Variants in KCNMA1 observed in about 807,000 individuals in gnomAD.
KCNMA1 encodes potassium calcium-activated channel subfamily M alpha 1.
KCNMA1 carries 29 observed loss-of-function variants against 140.0 expected under a neutral mutation model. The ratio of observed to expected loss-of-function variants is 0.21; its 90% confidence interval spans 0.15 to 0.28. The LOEUF (loss-of-function observed/expected upper bound fraction) is 0.28, where lower values mean the gene tolerates loss of function less well. Ranked by LOEUF, KCNMA1 falls within the 10% of genes least tolerant of loss-of-function variation. The pLI is 1.00. For synonymous variants in KCNMA1, 612 were observed against 611.9 expected (o/e 1.00, Z 0.00); for missense variants, 880 against 1,602.2 (o/e 0.55, Z 7.70).
chr10:77,148,232 T>C (rs561820514), intron 5 of KCNMA1: 69 of 152,318 alleles, frequency 4.5e-4, no homozygotes, highest in African/African-American at 1.6e-3. Context: ...AGAAAACCTA[T>C]AAAGCCAATT....
intron 2 of KCNMA1, among the ~76,000 whole-genome samples, chr10:77,280,591 A>G (rs983925211): frequency 6.6e-6 from 1 of 152,096 alleles, no homozygotes; most frequent in Non-Finnish European, 1.5e-5. Flanking sequence ...CAGTGGCACA[A>G]TCATGGCTCA....
chr10:77,201,275 T>G (rs1376419060), intron 3 of KCNMA1, among the ~76,000 whole-genome samples: 1 of 152,222 alleles, frequency 6.6e-6, no homozygotes, highest in African/African-American at 2.4e-5. Context: ...TCTGTCTGTG[T>G]GCTGCTGTGA....
intron 13 of KCNMA1, among the ~76,000 whole-genome samples, chr10:77,076,345 T>C (rs2096396864): frequency 6.6e-6 from 1 of 152,174 alleles, no homozygotes; most frequent in African/African-American, 2.4e-5. Flanking sequence ...AATCTTTCCT[T>C]GAAGAGCTTT....
intron 9 of KCNMA1, among the ~76,000 whole-genome samples, chr10:77,100,275 T>C (rs568034291): frequency 6.6e-6 from 1 of 152,328 alleles, no homozygotes; most frequent in East Asian, 1.9e-4. Flanking sequence ...AGCTGACATT[T>C]GCCTTTGGAG....
chr10:77,052,899 T>C (rs1320476323), intron 14 of KCNMA1, among the ~76,000 whole-genome samples: 1 of 152,172 alleles, frequency 6.6e-6, no homozygotes, highest in Non-Finnish European at 1.5e-5. Context: ...AGGAGACTCA[T>C]CCCTCCTAGC....
chr10:76,978,925 T>A (rs995639057), intron 19 of KCNMA1, among the ~76,000 whole-genome samples: 53 of 152,368 alleles, frequency 3.5e-4, no homozygotes, highest in African/African-American at 1.0e-3. Context: ...CTGGATTTTT[T>A]AAATTTTGAT....
chr10:76,991,552 G>C (rs2082774782), intron 19 of KCNMA1, among the ~76,000 whole-genome samples: 1 of 151,944 alleles, frequency 6.6e-6, no homozygotes, highest in Admixed American at 6.6e-5. Context: ...AGAAAGTTTT[G>C]GGAAGCTTCA....
chr10:76,895,159 C>A (rs924182938), intron 25 of KCNMA1, among the ~76,000 whole-genome samples: 1 of 152,196 alleles, frequency 6.6e-6, no homozygotes, highest in Middle Eastern at 3.2e-3. Context: ...CACGTACCCC[C>A]TGCTTGCTCA....
chr10:77,408,481 T>C lies in KCNMA1; in HGVS notation c.379-4458A>G, dbSNP rs554854773. Among the ~76,000 whole-genome samples, 12 of 151,770 alleles carry C rather than the reference T, an allele frequency of 7.9e-5. No homozygotes were observed. In the East Asian group the frequency reaches 2.1e-3, roughly 27 times the overall value. On this transcript the variant is annotated intron_variant, in intron 1 of 27. Coordinates refer to ENST00000286628, the MANE Select transcript of KCNMA1 (RefSeq NM_001161352.2). ...GTGCGTTTGTGTGCACGTGTGAGTG[T>C]GTACGTGTGTGTGCATGTCTGAGAA...
chr10:77,504,600 T>A (rs1393108202), intron 1 of KCNMA1, among the ~76,000 whole-genome samples: 1 of 152,142 alleles, frequency 6.6e-6, no homozygotes, highest in Non-Finnish European at 1.5e-5. Flanking sequence ...ATTTTTGTTA[T>A]ATTTTTAGAG....
At position 76,909,960 on chromosome 10, in the gene KCNMA1, A is replaced by G. The variant is rs558650814; in HGVS notation, c.3147+6T>C. 4 of 1,613,114 alleles carry G rather than the reference A, an allele frequency of 2.5e-6. No homozygotes were observed. In the Admixed American group the frequency reaches 6.7e-5, roughly 27 times the overall value. On this transcript the variant is annotated splice_donor_region_variant and intron_variant, in intron 25 of 27. Transcript: ENST00000286628. ...TGAGTGAGGAGGAGGGAACAGGATA[A>G]CTCACCGCGCTCATGAGTGAGTCCA...
At chr10:77,179,916 G>T (rs568528528) in intron 5 of KCNMA1, among the ~76,000 whole-genome samples, 2 of 152,196 alleles carry the variant, frequency 1.3e-5, no homozygotes, top group African/African-American at 4.8e-5. Context: ...TGAGTACACC[G>T]TTACATGCAC....
rs144849332 is a variant in KCNMA1 at position 77,465,202 on chromosome 10, G to A, written c.379-61179C>T. On this transcript the variant is annotated intron_variant, in intron 1 of 27. Transcript: ENST00000286628. The stretch of plus-strand genomic sequence containing the variant: ...GCAATGAGGCCTTTGCATAGGCCAC[G>A]ATCCCTGCAGCAAACTGCGTTGCCT... 2.7e-3 allele frequency among the ~76,000 whole-genome samples: 408 copies of A among 152,308 alleles called. 2 individuals carry two copies. The highest frequency in any genetic ancestry group is 9.4e-3 in the African/African-American group (389 of 41,560).
intron 9 of KCNMA1, among the ~76,000 whole-genome samples, chr10:77,095,397 C>T (rs1327918381): frequency 1.3e-5 from 2 of 152,150 alleles, no homozygotes; most frequent in Admixed American, 6.5e-5. Flanking sequence ...CTCAGAAACA[C>T]AAGGAAGCAT....
chr10:77,410,000 T>C (rs1675139827), intron 1 of KCNMA1, among the ~76,000 whole-genome samples: 1 of 152,144 alleles, frequency 6.6e-6, no homozygotes, highest in African/African-American at 2.4e-5. Flanking sequence ...GCAACTGCTT[T>C]ACAAACGGCA....
At chr10:76,956,305 A>G (rs543806357) in intron 20 of KCNMA1, among the ~76,000 whole-genome samples, 80 of 152,324 alleles carry the variant, frequency 5.3e-4, no homozygotes, top group African/African-American at 1.9e-3. Context: ...GAAACCAGGC[A>G]TAATTTCACA....
chr10:77,083,390 A>G (rs1231540335), intron 12 of KCNMA1, among the ~76,000 whole-genome samples: 3 of 152,194 alleles, frequency 2.0e-5, no homozygotes, highest in Admixed American at 2.0e-4. Context: ...TGAATTAAGA[A>G]AAGAATAAGG....
intron 18 of KCNMA1, among the ~76,000 whole-genome samples, chr10:77,007,421 A>G (rs1274790650): frequency 6.6e-6 from 1 of 152,024 alleles, no homozygotes; most frequent in Non-Finnish European, 1.5e-5. Context: ...GACTGCAGAT[A>G]ATAATTACCA....
chr10:77,543,727 A>T (rs2060729867), intron 1 of KCNMA1, among the ~76,000 whole-genome samples: 1 of 152,210 alleles, frequency 6.6e-6, no homozygotes, highest in Admixed American at 6.5e-5. Context: ...ATTCCTACGT[A>T]GGGGACATGC....
Sources: allele counts gnomAD v4.1 joint callset (sites outside exome capture counted in the v4.1 genomes callset), GRCh38; gene constraint gnomAD v4.1.1; transcripts MANE v1.5; gene names NCBI Gene and HGNC (gene_info 2026-07-23, HGNC 2026-07-21).